TRPC6: variants seen among roughly 807,000 people sequenced by gnomAD.
TRPC6 encodes short transient receptor potential channel 6.
Under a neutral mutation model 90.7 loss-of-function variants are expected in TRPC6, and 55 were observed. The observed-to-expected ratio is 0.61, with a 90% confidence interval of 0.49 to 0.76. The LOEUF (loss-of-function observed/expected upper bound fraction) is 0.76, where lower values mean the gene tolerates loss of function less well. TRPC6 is among the 30% of genes least tolerant of loss of function. The pLI, the probability that TRPC6 is intolerant of heterozygous loss-of-function variation, is 0.00. For missense variants in TRPC6, 989 were observed against 1,122.7 expected (o/e 0.88, Z 1.70); for synonymous variants, 393 against 393.0 (o/e 1.00, Z 0.00).
chr11:101,496,883 C>A (rs1326896026), intron 2 of TRPC6, among the ~76,000 whole-genome samples: 1 of 152,178 alleles, frequency 6.6e-6, no homozygotes, highest in South Asian at 2.1e-4. Context: ...AAGGCAAGAA[C>A]ACACATACAC....
intron 1 of TRPC6, among the ~76,000 whole-genome samples, chr11:101,576,991 C>A (rs147097539): frequency 6.6e-6 from 1 of 152,114 alleles, no homozygotes. Context: ...CAAAACAGGT[C>A]ATTTCCATGC....
chr11:101,513,788 A>G (rs1860451455), intron 1 of TRPC6, among the ~76,000 whole-genome samples: 1 of 152,214 alleles, frequency 6.6e-6, no homozygotes, highest in Admixed American at 6.5e-5. Context: ...CTTAGGATGA[A>G]CAACTCTTAT....
chr11:101,500,253 G>A (rs1860084723), intron 2 of TRPC6, among the ~76,000 whole-genome samples: 1 of 137,556 alleles, frequency 7.3e-6, no homozygotes, highest in South Asian at 2.2e-4. Context: ...CTGTTGCCCA[G>A]ACTGGAGTGC....
intron 1 of TRPC6, among the ~76,000 whole-genome samples, chr11:101,532,057 CA>C (rs1250774362): frequency 6.6e-6 from 1 of 152,160 alleles, no homozygotes; most frequent in East Asian, 1.9e-4. Flanking sequence ...GGTGCTGAAG[CA>C]AAAGCAAGTC....
intron 11 of TRPC6, 83 bp from the exon 12 acceptor site, chr11:101,453,808 C>A: frequency 7.5e-7 from 1 of 1,333,160 alleles, no homozygotes; most frequent in East Asian, 2.3e-5. Flanking sequence ...CAGAGTCTTC[C>A]TCCCTGTAGT....
chr11:101,486,725 A>G (rs1296162415), intron 4 of TRPC6, among the ~76,000 whole-genome samples: 3 of 152,162 alleles, frequency 2.0e-5, no homozygotes, highest in Admixed American at 1.3e-4. Flanking sequence ...TAGGCCTGCA[A>G]TTTGATCTTA....
chr11:101,518,883 T>C (rs1190780048), intron 1 of TRPC6, among the ~76,000 whole-genome samples: 1 of 152,164 alleles, frequency 6.6e-6, no homozygotes, highest in Non-Finnish European at 1.5e-5. Context: ...ATCCAGGCAT[T>C]TGCAACAACA....
intron 1 of TRPC6, among the ~76,000 whole-genome samples, chr11:101,544,484 T>C (rs1435388968): frequency 2.0e-5 from 3 of 152,126 alleles, no homozygotes. Flanking sequence ...CCAACCCAAA[T>C]ACCCATCAAT....
chr11:101,462,402 G>C (rs1311159702), intron 10 of TRPC6, among the ~76,000 whole-genome samples: 1 of 152,194 alleles, frequency 6.6e-6, no homozygotes, highest in Non-Finnish European at 1.5e-5. Context: ...ACTTTGGGCA[G>C]TATGGCCATT....
At chr11:101,469,590 C>G in intron 9 of TRPC6, 89 bp from the exon 10 acceptor site, 1 of 656,740 alleles carries the variant, frequency 1.5e-6, no homozygotes, top group Non-Finnish European at 2.8e-6. Flanking sequence ...GTCTAATTCT[C>G]CAACAAGTTT....
intron 1 of TRPC6, among the ~76,000 whole-genome samples, chr11:101,542,846 A>C (rs1270557017): frequency 6.6e-6 from 1 of 152,124 alleles, no homozygotes; most frequent in Non-Finnish European, 1.5e-5. Context: ...AAAAACCTTA[A>C]GAAAACATGA....
chr11:101,583,704 T>A lies in TRPC6; in HGVS notation c.-201A>T. Reference sequence around the variant, plus strand: ...ACTGGCCCGGGGAAAAGTCACCACTTAAGGGGGTGCAAAGAGGATCTTGAC... The same window carrying A: ...ACTGGCCCGGGGAAAAGTCACCACTAAAGGGGGTGCAAAGAGGATCTTGAC... On this transcript the variant is annotated 5_prime_UTR_variant, in exon 1 of 13. Transcript: ENST00000344327. 1.9e-6 allele frequency: 1 copy of A among 515,458 alleles called. No homozygotes were observed. Among genetic ancestry groups the A allele is most frequent in the Non-Finnish European group, 3.2e-6 (1 of 308,228 alleles). 31.9% of individuals were successfully genotyped at this position (515,458 alleles called of 1,614,324 possible).
At chr11:101,499,102 TTGAG>T (rs1860025370) in intron 2 of TRPC6, among the ~76,000 whole-genome samples, 1 of 152,136 alleles carries the variant, frequency 6.6e-6, no homozygotes, top group Non-Finnish European at 1.5e-5. Context: ...TGAACGCTTC[TTGAG>T]TGAGAGTCCA....
At chr11:101,569,680 C>T (rs1029231486) in intron 1 of TRPC6, among the ~76,000 whole-genome samples, 10 of 152,158 alleles carry the variant, frequency 6.6e-5, no homozygotes, top group African/African-American at 2.4e-4. Context: ...TCTCAGACCA[C>T]AGCGCAATCA....
Position 101,583,559 on chromosome 11 carries a change from T to G in TRPC6, c.-56A>C, listed in dbSNP as rs980854362. On this transcript the variant is annotated 5_prime_UTR_variant, in exon 1 of 13. Coordinates refer to ENST00000344327, the MANE Select transcript of TRPC6 (RefSeq NM_004621.6). ...CTCCCGGGGGAGCCGAGTGGGCAGT[T>G]CCAGCGGGGACCCGGTGCGGAGGGT... The G allele has an allele frequency of 5.0e-6, 7 of 1,403,120 alleles. No individual in the cohort carries two copies. The Admixed American group carries it at 2.1e-4, about 42-fold the overall frequency. 86.9% of individuals were successfully genotyped at this position (1,403,120 alleles called of 1,614,324 possible).
intron 1 of TRPC6, chr11:101,583,085 C>G: frequency 2.4e-6 from 2 of 837,276 alleles, no homozygotes; most frequent in Non-Finnish European, 2.9e-6. Context: ...TGCGGTCTCA[C>G]TCTCGTGGGC....
At chr11:101,555,858 C>T (rs145505510) in intron 1 of TRPC6, among the ~76,000 whole-genome samples, 15 of 152,042 alleles carry the variant, frequency 9.9e-5, no homozygotes, top group Admixed American at 2.6e-4. Context: ...TGTTAGGGCA[C>T]GAAATACACC....
At chr11:101,536,972 A>C (rs1304833726) in intron 1 of TRPC6, among the ~76,000 whole-genome samples, 2 of 152,170 alleles carry the variant, frequency 1.3e-5, no homozygotes, top group African/African-American at 4.8e-5. Context: ...AAATCTTGGA[A>C]AGGTAGAATT....
At chr11:101,472,716 A>C (rs1247346671) in intron 7 of TRPC6, among the ~76,000 whole-genome samples, 2 of 152,158 alleles carry the variant, frequency 1.3e-5, no homozygotes, top group African/African-American at 2.4e-5. Context: ...AATCATATAC[A>C]TCTTAATGGA....
Sources: gnomAD v4.1 joint callset for allele counts (sites outside exome capture counted in the v4.1 genomes callset) on GRCh38, gnomAD v4.1.1 for gene constraint, MANE v1.5 for transcripts, NCBI Gene and HGNC (gene_info 2026-07-23, HGNC 2026-07-21) for gene names.